Variants in PIK3CA observed in about 807,000 individuals in gnomAD.
PIK3CA encodes phosphatidylinositol-4,5-bisphosphate 3-kinase catalytic subunit alpha.
PIK3CA carries 27 observed loss-of-function variants against 138.2 expected under a neutral mutation model. That is an observed-to-expected ratio of 0.20 (90% CI 0.14 to 0.27). The LOEUF (loss-of-function observed/expected upper bound fraction) is 0.27. Among genes scored for constraint, PIK3CA ranks in the 10% least tolerant of loss-of-function variants. The pLI, the probability that PIK3CA is intolerant of heterozygous loss-of-function variation, is 1.00. For synonymous variants in PIK3CA, 358 were observed against 413.2 expected (o/e 0.87, Z 1.62); for missense variants, 544 against 1,277.4 (o/e 0.43, Z 8.75).
intron 1 of PIK3CA, among the ~76,000 whole-genome samples, chr3:179,149,885 A>C (rs1722966299): frequency 6.6e-6 from 1 of 152,226 alleles, no homozygotes; most frequent in Non-Finnish European, 1.5e-5. Flanking sequence ...TGTTTTAAGA[A>C]AACTTCTGGA....
At chr3:179,211,416 A>G (rs1209738627) in intron 9 of PIK3CA, among the ~76,000 whole-genome samples, 1 of 152,158 alleles carries the variant, frequency 6.6e-6, no homozygotes, top group Non-Finnish European at 1.5e-5. Flanking sequence ...CATGCCTGTA[A>G]TCCCAGCACT....
chr3:179,223,302 A>G (rs77150794), intron 14 of PIK3CA, among the ~76,000 whole-genome samples: 7,350 of 152,120 alleles, frequency 0.048, 198 homozygotes, highest in Non-Finnish European at 0.057. Context: ...TTTTTCCCCC[A>G]CTCACATTTT....
chr3:179,233,876 A>G (rs577602414), intron 20 of PIK3CA, among the ~76,000 whole-genome samples: 6 of 152,190 alleles, frequency 3.9e-5, no homozygotes, highest in African/African-American at 1.2e-4. Flanking sequence ...AGGTGCTGGT[A>G]ATAAAGCAGT....
At chr3:179,202,290 C>G (rs73187268) in intron 4 of PIK3CA, among the ~76,000 whole-genome samples, 1 of 151,890 alleles carries the variant, frequency 6.6e-6, no homozygotes, top group African/African-American at 2.4e-5. Context: ...AGGTTGGTCT[C>G]GAATTCTGGG....
rs1725389513 is a variant in PIK3CA, at chr3:179,239,136, G to A, written c.*4772G>A. On this transcript the variant is annotated 3_prime_UTR_variant, in exon 21 of 21. Coordinates refer to ENST00000263967, the MANE Select transcript of PIK3CA (RefSeq NM_006218.4). ...TCCCTTGTGCGTATACAGTAGTTAG[G>A]TAAATGATTTTTCTACCAACAGTAT... The A allele has an allele frequency of 4.7e-6, 1 of 213,074 alleles. No individual in the cohort carries two copies. Among genetic ancestry groups the A allele is most frequent in the East Asian group, 7.0e-5 (1 of 14,274 alleles). The allele number at this position is 213,074 out of a possible 1,614,324, so 13.2% of individuals were successfully genotyped here. A position where few individuals can be genotyped will look rare whatever the true frequency, so the allele number is the denominator to read the frequency against.
At chr3:179,167,689 G>A (rs1237200412) in intron 1 of PIK3CA, among the ~76,000 whole-genome samples, 1 of 152,008 alleles carries the variant, frequency 6.6e-6, no homozygotes, top group East Asian at 1.9e-4. Flanking sequence ...CAAGTAGAGT[G>A]CTACAGTTGG....
At position 179,181,952 on chromosome 3, in the gene PIK3CA, T is replaced by C. The variant is rs78134003; in HGVS notation, c.-76-16798T>C. On this transcript the variant is annotated intron_variant, in intron 1 of 20. Coordinates refer to ENST00000263967, the MANE Select transcript of PIK3CA (RefSeq NM_006218.4). ...ATATTTATCTCTGTAATTATAATTA[T>C]TGGGCACATACACAAAAGAGTTGTC... 4.4e-3 allele frequency among the ~76,000 whole-genome samples: 663 copies of C among 152,326 alleles called. 4 individuals carry two copies. The highest frequency in any genetic ancestry group is 0.015 in the African/African-American group (639 of 41,578).
Position 179,235,917 on chromosome 3 carries a change from C to G in PIK3CA, c.*1553C>G, listed in dbSNP as rs771707605. ...TCATTCTAGAATCTGATATTTTACT[C>G]TGTATTTGAAATGAATGATTAATGT... On this transcript the variant is annotated 3_prime_UTR_variant, in exon 21 of 21. Coordinates refer to ENST00000263967, the MANE Select transcript of PIK3CA (RefSeq NM_006218.4). 1.9e-5 allele frequency: 4 copies of G among 209,130 alleles called. No homozygotes were observed. The highest frequency in any genetic ancestry group is 5.9e-5 in the Admixed American group (1 of 16,922). 13.0% of individuals were successfully genotyped at this position (209,130 alleles called of 1,614,324 possible).
At chr3:179,203,272 CCAGTT>C (rs1326166232) in intron 4 of PIK3CA, among the ~76,000 whole-genome samples, 1 of 151,994 alleles carries the variant, frequency 6.6e-6, no homozygotes, top group Non-Finnish European at 1.5e-5. Flanking sequence ...TTTTTTGCCT[CCAGTT>C]AAGGGTAGAA....
chr3:179,163,690 G>A (rs1422497355), intron 1 of PIK3CA, among the ~76,000 whole-genome samples: 1 of 151,996 alleles, frequency 6.6e-6, no homozygotes, highest in Admixed American at 6.6e-5. Context: ...TTGAGAAGTT[G>A]GGCTCATTTA....
At position 179,235,776 on chromosome 3, in the gene PIK3CA, A is replaced by C. The variant is rs1295896320; in HGVS notation, c.*1412A>C. 3 of 212,800 alleles carry C rather than the reference A, an allele frequency of 1.4e-5. No individual in the cohort carries two copies. Among genetic ancestry groups the C allele is most frequent in the Admixed American group, 5.9e-5 (1 of 17,060 alleles). 13.2% of individuals were successfully genotyped at this position (212,800 alleles called of 1,614,324 possible). ...ATTAAACCATTTTAAGATATGTCTC[A>C]TTCCCAAGTAGTCAGAGCTCACTCT... On this transcript the variant is annotated 3_prime_UTR_variant, in exon 21 of 21. Coordinates refer to ENST00000263967, the MANE Select transcript of PIK3CA (RefSeq NM_006218.4).
At position 179,219,576 on chromosome 3, in the gene PIK3CA, T is replaced by C. The variant is rs1425149965; in HGVS notation, c.1752T>C (p.Tyr584=). The C allele has an allele frequency of 1.7e-5, 24 of 1,417,378 alleles. No individual in the cohort carries two copies. Among genetic ancestry groups the C allele is most frequent in the African/African-American group, 2.8e-5 (2 of 70,842 alleles). 87.8% of individuals were successfully genotyped at this position (1,417,378 alleles called of 1,614,324 possible). Residue 584 remains tyrosine (Y), a synonymous_variant, in exon 12 of 21, where the codon TAT becomes TAC. Transcript: ENST00000263967. The surrounding 1 kb of genome is among the most constrained non-coding windows in gnomAD (Gnocchi z 4.2). ...WNSRDEVAQM[Y]CLVKDWPPIK... Reference sequence around the variant, plus strand: ...ATTGTCTTTCTCATACACAGATGTATTGCTTGGTAAAAGATTGGCCTCCAA... The same window carrying C: ...ATTGTCTTTCTCATACACAGATGTACTGCTTGGTAAAAGATTGGCCTCCAA...
Position 179,225,958 on chromosome 3 carries a change from T to C in PIK3CA, c.2417-4T>C. The C allele has an allele frequency of 6.6e-7, 1 of 1,507,852 alleles. No homozygotes were observed. Among genetic ancestry groups the C allele is most frequent in the African/African-American group, 1.4e-5 (1 of 72,854 alleles). 93.4% of individuals were successfully genotyped at this position (1,507,852 alleles called of 1,614,324 possible). ...AATGGTGATACATATTATTTGAATT[T>C]CAGATTTACGGCAAGATATGCTAAC... On this transcript the variant is annotated splice_polypyrimidine_tract_variant and splice_region_variant and intron_variant, in intron 16 of 20. Coordinates refer to ENST00000263967, the MANE Select transcript of PIK3CA (RefSeq NM_006218.4).
intron 1 of PIK3CA, among the ~76,000 whole-genome samples, chr3:179,160,300 T>A (rs1228825854): frequency 6.6e-6 from 1 of 151,828 alleles, no homozygotes; most frequent in East Asian, 1.9e-4. Context: ...GCAAATCACA[T>A]CTGACTACTG....
At position 179,209,799 on chromosome 3, in the gene PIK3CA, A is replaced by C. The variant is rs999153404; in HGVS notation, c.1251+99A>C. The stretch of plus-strand genomic sequence containing the variant: ...ACAAATTGGATGTTATTTTATATTT[A>C]AGAAAATAATAATAAACCTATTTTT... On this transcript the variant is annotated intron_variant, in intron 7 of 20. Transcript: ENST00000263967. The C allele has an allele frequency of 3.7e-5, 21 of 562,252 alleles. 1 individual carries two copies. The highest frequency in any genetic ancestry group is 5.4e-5 in the Non-Finnish European group (18 of 330,294). The allele number at this position is 562,252 out of a possible 1,614,324, so 34.8% of individuals were successfully genotyped here.
intron 4 of PIK3CA, among the ~76,000 whole-genome samples, chr3:179,202,962 A>G (rs1724454923): frequency 8.1e-6 from 1 of 123,680 alleles, no homozygotes; most frequent in Admixed American, 8.8e-5. Context: ...TTTTTTTGAG[A>G]CGGAGTCTTG....
intron 1 of PIK3CA, among the ~76,000 whole-genome samples, chr3:179,196,555 A>G (rs1056491139): frequency 6.6e-6 from 1 of 152,186 alleles, no homozygotes; most frequent in African/African-American, 2.4e-5. Context: ...AATAGTTTCA[A>G]CTATCAAAAA....
At chr3:179,181,104 TA>T (rs1396373245) in intron 1 of PIK3CA, among the ~76,000 whole-genome samples, 1 of 152,032 alleles carries the variant, frequency 6.6e-6, no homozygotes, top group African/African-American at 2.4e-5. Flanking sequence ...TGAAAATAGC[TA>T]GATTAAAGGT....
rs2108430269 is a variant in PIK3CA, at chr3:179,234,390, C to G, written c.*26C>G. The G allele has an allele frequency of 6.3e-7, 1 of 1,579,456 alleles. No individual in the cohort carries two copies. The highest frequency in any genetic ancestry group is 8.6e-7 in the Non-Finnish European group (1 of 1,159,808). ...AAAGATAACTGAGAAAATGAAAGCTCACTCTGGATTCCACACTGCACTGTT... is the reference window on the plus strand; with the variant it reads ...AAAGATAACTGAGAAAATGAAAGCTGACTCTGGATTCCACACTGCACTGTT... On this transcript the variant is annotated 3_prime_UTR_variant, in exon 21 of 21. Coordinates refer to ENST00000263967, the MANE Select transcript of PIK3CA (RefSeq NM_006218.4). This position sits in a 1 kb window ranked among gnomAD's most constrained non-coding sequence, Gnocchi z 5.1.
Sources: gnomAD v4.1 joint callset for allele counts (sites outside exome capture counted in the v4.1 genomes callset) on GRCh38, gnomAD v4.1.1 for gene constraint, Gnocchi (gnomAD v3.1) non-coding constraint, MANE v1.5 for transcripts, NCBI Gene and HGNC (gene_info 2026-07-23, HGNC 2026-07-21) for gene names.